CTIF: variants seen among roughly 807,000 people sequenced by gnomAD.
The protein encoded by CTIF is CBP80/20-dependent translation initiation factor.
Under a neutral mutation model 66.0 loss-of-function variants are expected in CTIF, and 21 were observed. That is an observed-to-expected ratio of 0.32 (90% CI 0.23 to 0.46). CTIF has a LOEUF of 0.46. Ranked by LOEUF, CTIF falls within the 20% of genes least tolerant of loss-of-function variation. CTIF has a pLI of 1.00. For synonymous variants in CTIF, 345 were observed against 326.4 expected, an observed-to-expected ratio of 1.06 and a Z score of -0.62; for missense variants, 739 against 812.7, an observed-to-expected ratio of 0.91 and a Z score of 1.10.
chr18:48,842,960 A>G (rs2068981553), intron 10 of CTIF, among the ~76,000 whole-genome samples: 1 of 152,300 alleles, frequency 6.6e-6, no homozygotes, highest in African/African-American at 2.4e-5. Flanking sequence ...AGGCTCAGCC[A>G]GAAGCAGATG....
chr18:48,621,988 G>C (rs2090502137), intron 2 of CTIF, among the ~76,000 whole-genome samples: 1 of 152,208 alleles, frequency 6.6e-6, no homozygotes, highest in Non-Finnish European at 1.5e-5. Flanking sequence ...AATGGCTCCT[G>C]CAGCACAGCT....
intron 6 of CTIF, among the ~76,000 whole-genome samples, chr18:48,687,365 C>T (rs986455325): frequency 6.8e-6 from 1 of 146,272 alleles, no homozygotes; most frequent in Admixed American, 6.8e-5. Context: ...GCTTACCAAC[C>T]AGGAGATGGG....
intron 3 of CTIF, among the ~76,000 whole-genome samples, chr18:48,649,545 G>A (rs1038188901): frequency 1.3e-5 from 2 of 152,248 alleles, no homozygotes; most frequent in Admixed American, 6.5e-5. Context: ...ACAAAAGGCA[G>A]CAGAAACTTC....
At chr18:48,807,580 GT>G (rs36110913) in intron 9 of CTIF, among the ~76,000 whole-genome samples, 28,175 of 101,262 alleles carry the variant, frequency 0.28, 1,939 homozygotes, top group East Asian at 0.46. Context: ...TTGTTGTTGT[GT>G]TTTTTTTTTT....
chr18:48,814,759 C>T (rs1406306112), intron 9 of CTIF, among the ~76,000 whole-genome samples: 1 of 152,206 alleles, frequency 6.6e-6, no homozygotes, highest in Non-Finnish European at 1.5e-5. Flanking sequence ...ACTGCCTGCT[C>T]CAGGCTCTGG....
chr18:48,593,890 G>C (rs2089940800), intron 1 of CTIF, among the ~76,000 whole-genome samples: 1 of 152,250 alleles, frequency 6.6e-6, no homozygotes, highest in Non-Finnish European at 1.5e-5. Context: ...GTGATGCTGG[G>C]AACCCATTCA....
At chr18:48,592,139 C>A (rs2089898601) in intron 1 of CTIF, among the ~76,000 whole-genome samples, 2 of 152,244 alleles carry the variant, frequency 1.3e-5, no homozygotes, top group South Asian at 4.2e-4. Context: ...AACCTAGATA[C>A]CAGTGAATAC....
chr18:48,745,860 C>T (rs1054492623), intron 7 of CTIF, among the ~76,000 whole-genome samples: 21 of 152,188 alleles, frequency 1.4e-4, no homozygotes, highest in African/African-American at 4.6e-4. Context: ...TCTGTGATAA[C>T]GTCTCACCAT....
chr18:48,544,477 G>C, intron 1 of CTIF, among the ~76,000 whole-genome samples: 1 of 152,210 alleles, frequency 6.6e-6, no homozygotes, highest in South Asian at 2.1e-4. Context: ...ATGATGAACA[G>C]AAAGCCTTGA....
intron 3 of CTIF, among the ~76,000 whole-genome samples, chr18:48,649,542 G>A (rs1372072395): frequency 6.6e-6 from 1 of 152,234 alleles, no homozygotes; most frequent in East Asian, 1.9e-4. Flanking sequence ...TGAACAAAAG[G>A]CAGCAGAAAC....
At chr18:48,780,171 G>A (rs1396936159) in intron 9 of CTIF, among the ~76,000 whole-genome samples, 2 of 152,084 alleles carry the variant, frequency 1.3e-5, no homozygotes, top group African/African-American at 2.4e-5. Flanking sequence ...AAGGGAGAGG[G>A]AGAGAGGAAA....
At chr18:48,845,500 C>T (rs2069050843) in intron 10 of CTIF, among the ~76,000 whole-genome samples, 1 of 152,146 alleles carries the variant, frequency 6.6e-6, no homozygotes, top group African/African-American at 2.4e-5. Flanking sequence ...CCTTTTCTTC[C>T]TTCTTTGGGG....
chr18:48,562,830 A>T (rs181793964), intron 1 of CTIF, among the ~76,000 whole-genome samples: 1 of 152,352 alleles, frequency 6.6e-6, no homozygotes, highest in Non-Finnish European at 1.5e-5. Context: ...ATATTTCAAT[A>T]GTTGCCATGC....
intron 6 of CTIF, among the ~76,000 whole-genome samples, chr18:48,693,460 A>G (rs1168722491): frequency 6.6e-6 from 1 of 152,132 alleles, no homozygotes; most frequent in African/African-American, 2.4e-5. Flanking sequence ...GGGCATCGAG[A>G]TGTTTTAAAT....
At chr18:48,552,354 T>G (rs547183414) in intron 1 of CTIF, among the ~76,000 whole-genome samples, 1 of 152,318 alleles carries the variant, frequency 6.6e-6, no homozygotes, top group Non-Finnish European at 1.5e-5. Context: ...TAGAAAGAAC[T>G]GTGTGGAAAT....
intron 1 of CTIF, among the ~76,000 whole-genome samples, chr18:48,611,920 T>C (rs1001222773): frequency 1.3e-5 from 2 of 152,238 alleles, no homozygotes; most frequent in Non-Finnish European, 2.9e-5. Flanking sequence ...CCCTGTTGGA[T>C]GTTTGAGTGA....
chr18:48,765,079 C>A (rs1326631182), intron 9 of CTIF, among the ~76,000 whole-genome samples: 1 of 152,220 alleles, frequency 6.6e-6, no homozygotes, highest in East Asian at 1.9e-4. Context: ...CCCCTCACCA[C>A]CCAAACCCGA....
At chr18:48,570,376 T>C (rs1311826539) in intron 1 of CTIF, among the ~76,000 whole-genome samples, 1 of 152,222 alleles carries the variant, frequency 6.6e-6, no homozygotes, top group Non-Finnish European at 1.5e-5. Context: ...CCTTCCATCA[T>C]CAGTACTTAT....
chr18:48,853,189 A>G (rs1023981810), intron 10 of CTIF, among the ~76,000 whole-genome samples: 3 of 152,136 alleles, frequency 2.0e-5, no homozygotes, highest in African/African-American at 4.8e-5. Flanking sequence ...CCCTACCCTC[A>G]TGGAGCTTGC....
Sources: allele counts gnomAD v4.1 joint callset (sites outside exome capture counted in the v4.1 genomes callset), GRCh38; gene constraint gnomAD v4.1.1; transcripts MANE v1.5; gene names NCBI Gene and HGNC (gene_info 2026-07-23, HGNC 2026-07-21).